UBE2H: variants seen among roughly 807,000 people sequenced by gnomAD.
UBE2H encodes the protein ubiquitin-conjugating enzyme E2 H.
A neutral mutation model predicts 29.0 loss-of-function variants in UBE2H; 3 were observed. The observed-to-expected ratio is 0.10, with a 90% confidence interval of 0.05 to 0.27. The LOEUF is 0.27. UBE2H is among the 10% of genes least tolerant of loss of function. UBE2H has a pLI of 1.00. For synonymous variants in UBE2H, 69 were observed against 82.9 expected (o/e 0.83, Z 0.91); for missense variants, 68 against 228.2 (o/e 0.30, Z 4.52).
chr7:129,867,718 G>GAAAAACAAAAAAAAAAAAAAAAAAAAAAA (rs1308277089), intron 3 of UBE2H, among the ~76,000 whole-genome samples: 1 of 19,652 alleles, frequency 5.1e-5, no homozygotes, highest in African/African-American at 2.0e-4. Context: ...AAAAAAAAAA[G>GAAAAACAAAAAAAAAAAAAAAAAAAAAAA]AAAACCAAAA....
intron 1 of UBE2H, among the ~76,000 whole-genome samples, chr7:129,935,200 A>G (rs1028567718): frequency 6.6e-6 from 1 of 151,844 alleles, no homozygotes; most frequent in African/African-American, 2.4e-5. Context: ...TGAGGTGGGC[A>G]GATCACGAGG....
In UBE2H at chr7:129,916,737, C is replaced by T. The variant is rs1807051375; in HGVS notation, c.53+35766G>A. 2.6e-5 allele frequency among the ~76,000 whole-genome samples: 4 copies of T among 152,152 alleles called. No homozygotes were observed. In the South Asian group the frequency reaches 6.2e-4, roughly 24 times the overall value. On this transcript the variant is annotated intron_variant, in intron 1 of 6. Transcript: ENST00000355621. ...ATGTACACGGCTAATGGCCAAACCA[C>T]CTGCAAAAGTTCCATTTGCGGCTGG...
chr7:129,837,284 A>C (rs1805348428), intron 6 of UBE2H, among the ~76,000 whole-genome samples: 1 of 152,210 alleles, frequency 6.6e-6, no homozygotes, highest in Non-Finnish European at 1.5e-5. Context: ...AAAGGAAGAG[A>C]GGGAGCCCAG....
In UBE2H at chr7:129,934,983, GTA is replaced by G. The variant is rs908604328; in HGVS notation, c.53+17518_53+17519del. ...TATATATATGTGTATATATGTGTGT[GTA>G]TATATATGTGTGTGTATATGTGTGT... On this transcript the variant is annotated intron_variant, in intron 1 of 6. Transcript: ENST00000355621. Among the ~76,000 whole-genome samples, 18 of 150,556 alleles carry G rather than the reference GTA, an allele frequency of 1.2e-4. 1 individual carries two copies. The highest frequency in any genetic ancestry group is 4.0e-4 in the Admixed American group (6 of 15,040).
intron 1 of UBE2H, among the ~76,000 whole-genome samples, chr7:129,946,583 A>G (rs7778053): frequency 9.7e-4 from 147 of 152,260 alleles, no homozygotes; most frequent in African/African-American, 3.3e-3. Flanking sequence ...CCTAGACCCA[A>G]TGAATTAGAA....
At chr7:129,879,691 A>T (rs1806216495) in intron 2 of UBE2H, 49 bp from the exon 3 acceptor site, 1 of 1,503,224 alleles carries the variant, frequency 6.7e-7, no homozygotes, top group Admixed American at 1.9e-5. Context: ...CCAAATTAGA[A>T]AATAAATCTG....
intron 5 of UBE2H, among the ~76,000 whole-genome samples, chr7:129,853,165 A>C (rs1341102148): frequency 6.6e-6 from 1 of 152,236 alleles, no homozygotes; most frequent in Non-Finnish European, 1.5e-5. Flanking sequence ...TTAAAGCTGT[A>C]TCGCAGTGAA....
intron 1 of UBE2H, among the ~76,000 whole-genome samples, chr7:129,888,849 T>C (rs1253112953): frequency 1.3e-5 from 2 of 152,158 alleles, no homozygotes; most frequent in Non-Finnish European, 2.9e-5. Context: ...ATCTGTTCAT[T>C]AAGAAGTACA....
intron 5 of UBE2H, among the ~76,000 whole-genome samples, chr7:129,850,827 G>C (rs56094908): frequency 6.2e-5 from 9 of 144,070 alleles, no homozygotes; most frequent in African/African-American, 2.6e-5. Flanking sequence ...AAAAGAAAGA[G>C]AGAGAGAGAG....
At chr7:129,881,524 T>A (rs1806253873) in intron 1 of UBE2H, among the ~76,000 whole-genome samples, 1 of 152,110 alleles carries the variant, frequency 6.6e-6, no homozygotes, top group African/African-American at 2.4e-5. Context: ...GATGCATGCC[T>A]GTAGTCCCAG....
Position 129,831,138 on chromosome 7 carries a change from C to T in UBE2H, c.*3799G>A, listed in dbSNP as rs1165146310. On this transcript the variant is annotated 3_prime_UTR_variant, in exon 7 of 7. Transcript: ENST00000355621. The stretch of plus-strand genomic sequence containing the variant: ...AAGGGCTTCCTCCCACTCATCCCAT[C>T]CCTAACAGAATCGCCGAGGTGTTCA... 3 of 152,078 alleles carry T rather than the reference C, an allele frequency of 2.0e-5. No homozygotes were observed. Among genetic ancestry groups the T allele is most frequent in the Non-Finnish European group, 4.4e-5 (3 of 68,030 alleles). The allele number at this position is 152,078 out of a possible 1,614,324, so 9.4% of individuals were successfully genotyped here. A position where few individuals can be genotyped will look rare whatever the true frequency, so the allele number is the denominator to read the frequency against.
intron 1 of UBE2H, among the ~76,000 whole-genome samples, chr7:129,926,761 A>G (rs1170491677): frequency 6.6e-6 from 1 of 152,040 alleles, no homozygotes; most frequent in Non-Finnish European, 1.5e-5. Context: ...GCTGACTGAT[A>G]AGTGATCACA....
chr7:129,920,386 G>GAAATA (rs1563046581), intron 1 of UBE2H, among the ~76,000 whole-genome samples: 1 of 151,908 alleles, frequency 6.6e-6, no homozygotes, highest in Non-Finnish European at 1.5e-5. Flanking sequence ...TTATGACACT[G>GAAATA]TATATAACGG....
At chr7:129,874,411 G>A (rs959098991) in intron 3 of UBE2H, among the ~76,000 whole-genome samples, 46 of 151,452 alleles carry the variant, frequency 3.0e-4, no homozygotes, top group African/African-American at 9.7e-4. Flanking sequence ...CTAGGTTCAC[G>A]CCATTCTCCT....
chr7:129,946,305 T>C (rs1006689388), intron 1 of UBE2H, among the ~76,000 whole-genome samples: 15 of 152,034 alleles, frequency 9.9e-5, no homozygotes, highest in Non-Finnish European at 2.2e-4. Context: ...ATGATTTGTC[T>C]GCCTCAACCT....
chr7:129,910,015 G>A (rs968857432), intron 1 of UBE2H, among the ~76,000 whole-genome samples: 2 of 152,014 alleles, frequency 1.3e-5, no homozygotes, highest in Non-Finnish European at 2.9e-5. Context: ...TAAGATGCAA[G>A]GCTTGAGGTG....
chr7:129,918,478 C>T (rs1807089214), intron 1 of UBE2H, among the ~76,000 whole-genome samples: 1 of 152,036 alleles, frequency 6.6e-6, no homozygotes, highest in Non-Finnish European at 1.5e-5. Context: ...CATGCTCAAC[C>T]TCCTGAGTAG....
intron 3 of UBE2H, among the ~76,000 whole-genome samples, chr7:129,874,720 G>A (rs1209957505): frequency 1.3e-5 from 2 of 151,972 alleles, no homozygotes; most frequent in Non-Finnish European, 2.9e-5. Flanking sequence ...CAGTTCATAT[G>A]AAGAGAAAAA....
intron 5 of UBE2H, among the ~76,000 whole-genome samples, chr7:129,850,621 G>A (rs563285656): frequency 6.6e-6 from 1 of 152,248 alleles, no homozygotes; most frequent in South Asian, 2.1e-4. Context: ...TTCAAGACCA[G>A]CATGGCCAAG....
Sources: gnomAD v4.1 joint callset for allele counts (sites outside exome capture counted in the v4.1 genomes callset) on GRCh38, gnomAD v4.1.1 for gene constraint, MANE v1.5 for transcripts, NCBI Gene and HGNC (gene_info 2026-07-23, HGNC 2026-07-21) for gene names.